The following C2CD2 variants were observed in gnomAD, a reference collection of about 807,000 sequenced individuals.
C2CD2 encodes C2 calcium dependent domain containing 2.
C2CD2 carries 43 observed loss-of-function variants against 74.3 expected under a neutral mutation model. The observed-to-expected ratio is 0.58, with a 90% confidence interval of 0.45 to 0.75. C2CD2 has a LOEUF of 0.75. C2CD2 is among the 30% of genes least tolerant of loss of function. The pLI is 0.00. For missense variants in C2CD2, 801 were observed against 916.3 expected (o/e 0.87, Z 1.63); for synonymous variants, 422 against 390.7 (o/e 1.08, Z -0.94).
intron 2 of C2CD2, among the ~76,000 whole-genome samples, chr21:41,922,551 T>C (rs1368036180): frequency 6.6e-6 from 1 of 151,684 alleles, no homozygotes. Context: ...CTCGGCTCAC[T>C]GCAACCTCCG....
chr21:41,946,399 A>G (rs952837027), intron 1 of C2CD2, among the ~76,000 whole-genome samples: 1 of 152,156 alleles, frequency 6.6e-6, no homozygotes, highest in African/African-American at 2.4e-5. Flanking sequence ...TGAATGGCCT[A>G]GCACCATCTC....
At chr21:41,904,572 G>A (rs1315505508) in intron 11 of C2CD2, among the ~76,000 whole-genome samples, 1 of 152,194 alleles carries the variant, frequency 6.6e-6, no homozygotes, top group Non-Finnish European at 1.5e-5. Flanking sequence ...GGTAACGAAA[G>A]GAGGGGCAGG....
At position 41,937,630 on chromosome 21, in the gene C2CD2, T is replaced by G. The variant is rs1292987543; in HGVS notation, c.378+4517A>C. On this transcript the variant is annotated intron_variant, in intron 2 of 13. Transcript: ENST00000380486. Reference sequence around the variant, plus strand: ...ATGCTGTTCAAGGGTCCATTATAGATCCAAAGGAAATAAAATCAGTATGTT... The same window carrying G: ...ATGCTGTTCAAGGGTCCATTATAGAGCCAAAGGAAATAAAATCAGTATGTT... Among the ~76,000 whole-genome samples, 3 of 152,212 alleles carry G rather than the reference T, an allele frequency of 2.0e-5. No individual in the cohort carries two copies. The East Asian group carries it at 5.8e-4, about 29-fold the overall frequency.
chr21:41,930,472 G>A (rs1286004503), intron 2 of C2CD2, among the ~76,000 whole-genome samples: 1 of 150,266 alleles, frequency 6.7e-6, no homozygotes, highest in African/African-American at 2.4e-5. Flanking sequence ...GGAAGCCGAG[G>A]TGGGCGGATC....
At chr21:41,940,057 G>A (rs1437190648) in intron 2 of C2CD2, among the ~76,000 whole-genome samples, 1 of 152,146 alleles carries the variant, frequency 6.6e-6, no homozygotes, top group African/African-American at 2.4e-5. Context: ...ATGCTCACTG[G>A]AGTATTTTGG....
intron 10 of C2CD2, 47 bp from the exon 11 acceptor site, chr21:41,905,884 G>A (rs766045874): frequency 9.8e-7 from 1 of 1,021,172 alleles, no homozygotes; most frequent in East Asian, 2.4e-5. Context: ...GTGGCTGACT[G>A]GATCAACAGT....
rs1006618908 is a variant in C2CD2 at position 41,953,685 on chromosome 21, G to T, written c.-37C>A. On this transcript the variant is annotated 5_prime_UTR_variant, in exon 1 of 14. Transcript: ENST00000380486. ...GGCCCGCCTCGCCCCAACTTCCCCGGCAGCCCCGGGCCGGAACGGCGGACT... is the reference window on the plus strand; with the variant it reads ...GGCCCGCCTCGCCCCAACTTCCCCGTCAGCCCCGGGCCGGAACGGCGGACT... 2 of 1,363,840 alleles carry T rather than the reference G, an allele frequency of 1.5e-6. No individual in the cohort carries two copies. The highest frequency in any genetic ancestry group is 1.9e-6 in the Non-Finnish European group (2 of 1,062,748). 84.5% of individuals were successfully genotyped at this position (1,363,840 alleles called of 1,614,324 possible).
chr21:41,912,724 C>T (rs1426468920), intron 6 of C2CD2, among the ~76,000 whole-genome samples: 2 of 152,042 alleles, frequency 1.3e-5, no homozygotes, highest in African/African-American at 2.4e-5. Flanking sequence ...CTCCTGACCT[C>T]GTGATCCACC....
chr21:41,913,030 G>A (rs111694957), intron 6 of C2CD2, among the ~76,000 whole-genome samples: 16 of 152,194 alleles, frequency 1.1e-4, no homozygotes, highest in African/African-American at 3.6e-4. Context: ...GGCCACAAGC[G>A]TGGGCTCCCA....
chr21:41,901,029 G>A (rs1329952201), intron 12 of C2CD2: 1 of 152,412 alleles, frequency 6.6e-6, no homozygotes, highest in Non-Finnish European at 1.5e-5. Flanking sequence ...TTTAAAAAAT[G>A]TAATAAAAAG....
intron 6 of C2CD2, among the ~76,000 whole-genome samples, chr21:41,912,700 A>C (rs1260065424): frequency 1.3e-5 from 2 of 152,140 alleles, no homozygotes; most frequent in Admixed American, 6.5e-5. Flanking sequence ...CATGTTGGCC[A>C]GGCTGGTCTC....
chr21:41,921,963 C>A lies in C2CD2; in HGVS notation c.492+9G>T. On this transcript the variant is annotated intron_variant, in intron 3 of 13. Coordinates refer to ENST00000380486, the MANE Select transcript of C2CD2 (RefSeq NM_015500.2). ...GGTCTCATAACTTGCAAAGTCTACA[C>A]ATCTTTACCTGTAAATGGAAAGGGG... is the stretch of plus-strand genomic sequence containing the variant. 1.3e-6 allele frequency: 2 copies of A among 1,578,938 alleles called. No homozygotes were observed. The highest frequency in any genetic ancestry group is 1.1e-5 in the South Asian group (1 of 90,370).
chr21:41,953,280 G>A, intron 1 of C2CD2, 90 bp downstream of exon 1: 2 of 848,750 alleles, frequency 2.4e-6, no homozygotes, highest in Non-Finnish European at 3.4e-6. Flanking sequence ...CCTGGGTCAG[G>A]GGCTGCAGCG....
chr21:41,907,976 G>A, intron 8 of C2CD2, 192 bp from the exon 9 acceptor site: 2 of 629,260 alleles, frequency 3.2e-6, no homozygotes, highest in Admixed American at 2.9e-5. Flanking sequence ...TGGAAACGCT[G>A]CAGGACAGAG....
chr21:41,893,163 T>A (rs944402285), intron 13 of C2CD2, among the ~76,000 whole-genome samples: 2 of 152,146 alleles, frequency 1.3e-5, no homozygotes, highest in African/African-American at 4.8e-5. Context: ...AATAAAAAAA[T>A]TAAACTTTTT....
chr21:41,899,562 GGGCTCA>G lies in C2CD2; in HGVS notation c.1561-206_1561-201del, dbSNP rs1383445176. On this transcript the variant is annotated intron_variant, in intron 12 of 13. Transcript: ENST00000380486. The surrounding 1 kb of genome is among the most constrained non-coding windows in gnomAD (Gnocchi z 4.4). ...TTAAAAAAGGTCTCCCTTACAGCCA[GGGCTCA>G]GGATCCCTAGGCAGCTGGGGGTTGG... 9.9e-5 allele frequency among the ~76,000 whole-genome samples: 15 copies of G among 152,278 alleles called. No homozygotes were observed. Among genetic ancestry groups the G allele is most frequent in the African/African-American group, 3.4e-4 (14 of 41,564 alleles).
Position 41,918,145 on chromosome 21 carries a change from A to T in C2CD2, c.680T>A (p.Val227Glu). 6.2e-7 allele frequency: 1 copy of T among 1,614,166 alleles called. No individual in the cohort carries two copies. Among genetic ancestry groups the T allele is most frequent in the Non-Finnish European group, 8.5e-7 (1 of 1,180,014 alleles). The change falls in exon 5 of 14, where the codon GTG becomes GAG. Residue 227 changes from valine to glutamate, a missense_variant. Coordinates refer to ENST00000380486, the MANE Select transcript of C2CD2 (RefSeq NM_015500.2). ...AGTCGTGGGCTTGGTAATCAGAACCACTGATGGAGAGGCAGAACCAGCCAA... is the reference window on the plus strand; with the variant it reads ...AGTCGTGGGCTTGGTAATCAGAACCTCTGATGGAGAGGCAGAACCAGCCAA... Reference protein sequence around the residue: ...KHLAGSASPSVVLITKPTTVK... With the variant: ...KHLAGSASPSEVLITKPTTVK...
At chr21:41,921,087 A>G (rs2065149574) in intron 3 of C2CD2, among the ~76,000 whole-genome samples, 1 of 152,236 alleles carries the variant, frequency 6.6e-6, no homozygotes, top group Non-Finnish European at 1.5e-5. Context: ...CCACTTAGGT[A>G]GCCAGGAAAT....
rs747708713 is a variant in C2CD2 at position 41,907,769 on chromosome 21, G to A, written c.1034C>T (p.Ala345Val). The change falls in exon 9 of 14, where the codon GCG becomes GTG. Residue 345 changes from alanine (A) to valine (V), a missense_variant. Physicochemically the swap from Ala to Val is moderately conservative, Grantham distance 64 (BLOSUM62 0). Coordinates refer to ENST00000380486, the MANE Select transcript of C2CD2 (RefSeq NM_015500.2). ...CTTAAATAAGTCCAGAGGAACTGTC[G>A]CCGTCGCCAGCAGACCTGAAAAGAT... ...GRSSEGLLAT[A>V]TVPLDLFKKQ... is the part of the protein sequence containing the mutation. 1.3e-5 allele frequency: 21 copies of A among 1,613,814 alleles called. No individual in the cohort carries two copies. The highest frequency in any genetic ancestry group is 2.7e-5 in the African/African-American group (2 of 74,948).
Sources: gnomAD v4.1 joint callset for allele counts (sites outside exome capture counted in the v4.1 genomes callset) on GRCh38, gnomAD v4.1.1 for gene constraint, Gnocchi (gnomAD v3.1) non-coding constraint, MANE v1.5 for transcripts, NCBI Gene and HGNC (gene_info 2026-07-23, HGNC 2026-07-21) for gene names.